Variants in PIBF1 observed in about 807,000 individuals in gnomAD.
The protein encoded by PIBF1 is progesterone immunomodulatory binding factor 1.
PIBF1 carries 90 observed loss-of-function variants against 112.5 expected under a neutral mutation model. The observed-to-expected ratio is 0.80, with a 90% CI of 0.67 to 0.95. The LOEUF is 0.95. Among genes scored for constraint, PIBF1 ranks in the 40% least tolerant of loss-of-function variants. The probability of loss-of-function intolerance (pLI) is 0.00; values close to 1 mark genes in which losing one functional copy is unlikely to be tolerated. For synonymous variants in PIBF1, 301 were observed against 288.6 expected (o/e 1.04, Z -0.44); for missense variants, 915 against 852.3 (o/e 1.07, Z -0.92).
chr13:72,797,154 A>T (rs919573090), intron 4 of PIBF1, among the ~76,000 whole-genome samples: 1 of 152,164 alleles, frequency 6.6e-6, no homozygotes, highest in Non-Finnish European at 1.5e-5. Context: ...ATACCTCTTG[A>T]TTCATTCTGA....
At chr13:72,967,848 C>G (rs917895152) in intron 15 of PIBF1, among the ~76,000 whole-genome samples, 1 of 152,092 alleles carries the variant, frequency 6.6e-6, no homozygotes, top group African/African-American at 2.4e-5. Flanking sequence ...TTTAAACTCT[C>G]TAATACCTCT....
At chr13:72,969,624 A>G (rs994544026) in intron 15 of PIBF1, 1 of 152,216 alleles carries the variant, frequency 6.6e-6, no homozygotes, top group Non-Finnish European at 1.5e-5. Flanking sequence ...TAATTCAGAT[A>G]TGGTAGGATA....
rs1287102090 is a variant in PIBF1 at position 72,928,010 on chromosome 13, T to C, written c.1731-3155T>C. On this transcript the variant is annotated intron_variant, in intron 13 of 17. Transcript: ENST00000326291. Reference sequence around the variant, plus strand: ...ATATACACACACATATATATACATATATATACATATATATACATATATATA... The same window carrying C: ...ATATACACACACATATATATACATACATATACATATATATACATATATATA... 7.2e-3 allele frequency among the ~76,000 whole-genome samples: 420 copies of C among 58,280 alleles called. 10 individuals carry two copies. The highest frequency in any genetic ancestry group is 0.034 in the African/African-American group (390 of 11,414). 38.2% of individuals were successfully genotyped at this position (58,280 alleles called of 152,430 possible).
chr13:72,950,462 C>T (rs1015432646), intron 14 of PIBF1, among the ~76,000 whole-genome samples: 2 of 152,128 alleles, frequency 1.3e-5, no homozygotes, highest in African/African-American at 4.8e-5. Context: ...CAATAAATAG[C>T]AAGAATTCCC....
intron 14 of PIBF1, among the ~76,000 whole-genome samples, chr13:72,946,073 G>A (rs1333652156): frequency 7.2e-5 from 11 of 151,986 alleles, no homozygotes; most frequent in African/African-American, 1.5e-4. Flanking sequence ...GTATTAGTCC[G>A]TTCTCACACT....
chr13:72,832,673 C>T (rs2037178459), intron 8 of PIBF1, among the ~76,000 whole-genome samples: 1 of 152,178 alleles, frequency 6.6e-6, no homozygotes, highest in Non-Finnish European at 1.5e-5. Context: ...TGTGCATAAC[C>T]TGACCTTTTT....
chr13:72,907,758 T>G (rs763291358), intron 11 of PIBF1, among the ~76,000 whole-genome samples: 13 of 152,118 alleles, frequency 8.5e-5, no homozygotes, highest in Non-Finnish European at 1.3e-4. Flanking sequence ...ACTCCATAAT[T>G]TAGTCTGTAA....
At chr13:72,889,948 T>C (rs1006335118) in intron 10 of PIBF1, among the ~76,000 whole-genome samples, 5 of 152,196 alleles carry the variant, frequency 3.3e-5, no homozygotes, top group Admixed American at 2.0e-4. Context: ...AAATCAGTTG[T>C]TTCTCATTGA....
At chr13:72,869,777 T>C (rs566860496) in intron 10 of PIBF1, among the ~76,000 whole-genome samples, 6 of 151,984 alleles carry the variant, frequency 3.9e-5, no homozygotes, top group Admixed American at 3.3e-4. Flanking sequence ...AAGGCATAGC[T>C]AAAGGTTGTG....
In PIBF1 at chr13:72,975,860, A is replaced by C. The variant is rs529076379; in HGVS notation, c.2049+2185A>C. Among the ~76,000 whole-genome samples the C allele has an allele frequency of 7.2e-5, 11 of 152,310 alleles. No individual in the cohort carries two copies. In the East Asian group the frequency reaches 2.1e-3, roughly 29 times the overall value. ...GTGGAATTTTCGCAAGTGTTTTTGA[A>C]ATTAAATATTTAAGAGTAGTAACTA... On this transcript the variant is annotated intron_variant, in intron 16 of 17. Coordinates refer to ENST00000326291, the MANE Select transcript of PIBF1 (RefSeq NM_006346.4).
rs189930257 is a variant in PIBF1 at position 72,913,553 on chromosome 13, C to T, written c.1640-3523C>T. Among the ~76,000 whole-genome samples, 6 of 152,116 alleles carry T rather than the reference C, an allele frequency of 3.9e-5. No individual in the cohort carries two copies. In the East Asian group the frequency reaches 7.7e-4, roughly 20 times the overall value. The stretch of plus-strand genomic sequence containing the variant: ...AGCATTTTGGGAGACCAAGGCAGGA[C>T]GATTGCTTGAGCCCAGAAGTTCAAG... On this transcript the variant is annotated intron_variant, in intron 12 of 17. Transcript: ENST00000326291.
intron 11 of PIBF1, among the ~76,000 whole-genome samples, chr13:72,900,389 T>G (rs1384216693): frequency 2.6e-5 from 4 of 152,168 alleles, no homozygotes; most frequent in Non-Finnish European, 5.9e-5. Context: ...AGTGTGGTAC[T>G]GGTATAAAAA....
chr13:72,831,738 G>A (rs1335755717), intron 8 of PIBF1, among the ~76,000 whole-genome samples: 1 of 151,802 alleles, frequency 6.6e-6, no homozygotes, highest in African/African-American at 2.4e-5. Context: ...TTTGGGTGGA[G>A]AGTTCTGTAA....
At chr13:72,980,816 A>G (rs575833828) in intron 16 of PIBF1, among the ~76,000 whole-genome samples, 1 of 152,104 alleles carries the variant, frequency 6.6e-6, no homozygotes, top group African/African-American at 2.4e-5. Context: ...CAAAAAAAAA[A>G]AAGAAAAAGA....
intron 16 of PIBF1, among the ~76,000 whole-genome samples, chr13:72,979,456 C>A (rs1481983049): frequency 6.6e-6 from 1 of 152,036 alleles, no homozygotes; most frequent in Admixed American, 6.6e-5. Flanking sequence ...TGAGCTCAGT[C>A]GTTAGAAGCT....
chr13:72,891,317 A>G (rs1566411347), intron 10 of PIBF1, among the ~76,000 whole-genome samples: 1 of 152,126 alleles, frequency 6.6e-6, no homozygotes, highest in Non-Finnish European at 1.5e-5. Context: ...TCAATATCAC[A>G]TTCTAAATTA....
chr13:72,808,941 A>G (rs1439139695), intron 5 of PIBF1, among the ~76,000 whole-genome samples: 1 of 152,198 alleles, frequency 6.6e-6, no homozygotes, highest in Non-Finnish European at 1.5e-5. Context: ...TTTGTTAGGC[A>G]TATCTCTGAG....
At chr13:73,004,214 G>T (rs2043958749) in intron 17 of PIBF1, among the ~76,000 whole-genome samples, 2 of 152,272 alleles carry the variant, frequency 1.3e-5, no homozygotes, top group South Asian at 4.1e-4. Flanking sequence ...ATATTGGCCA[G>T]GCGCGGTGGC....
At chr13:72,896,411 A>G (rs570732374) in intron 11 of PIBF1, among the ~76,000 whole-genome samples, 1 of 152,276 alleles carries the variant, frequency 6.6e-6, no homozygotes, top group African/African-American at 2.4e-5. Context: ...TGACCCTCCA[A>G]AAATCACACT....
Sources: gnomAD v4.1 joint callset for allele counts (sites outside exome capture counted in the v4.1 genomes callset) on GRCh38, gnomAD v4.1.1 for gene constraint, MANE v1.5 for transcripts, NCBI Gene and HGNC (gene_info 2026-07-23, HGNC 2026-07-21) for gene names.